PLXNA4: variants seen among roughly 807,000 people sequenced by gnomAD.
PLXNA4 encodes the protein plexin-A4.
A neutral mutation model predicts 191.8 loss-of-function variants in PLXNA4; 44 were observed. The observed-to-expected ratio is 0.23, with a 90% CI of 0.18 to 0.29. PLXNA4 has a LOEUF of 0.29. PLXNA4 is among the 10% of genes least tolerant of loss of function. The pLI is 1.00. For missense variants in PLXNA4, 1,800 were observed against 2,488.8 expected (o/e 0.72, Z 5.89); for synonymous variants, 1,082 against 1,009.5 (o/e 1.07, Z -1.36).
At chr7:132,541,038 A>G (rs1684501394) in intron 1 of PLXNA4, among the ~76,000 whole-genome samples, 2 of 152,222 alleles carry the variant, frequency 1.3e-5, no homozygotes, top group African/African-American at 4.8e-5. Context: ...AGTAGAATCA[A>G]TAAAGATTTA....
intron 3 of PLXNA4, among the ~76,000 whole-genome samples, chr7:132,480,802 G>A (rs1006836019): frequency 1.3e-5 from 2 of 152,202 alleles, no homozygotes; most frequent in Admixed American, 6.5e-5. Flanking sequence ...GCTCTCAGAA[G>A]GAAATTGCCC....
intron 3 of PLXNA4, among the ~76,000 whole-genome samples, chr7:132,319,541 G>C (rs140123346): frequency 1.2e-3 from 180 of 152,088 alleles, no homozygotes; most frequent in Non-Finnish European, 2.2e-3. Context: ...CTGTTCTCAG[G>C]GTTCCTTGTA....
At position 132,554,988 on chromosome 7, in the gene PLXNA4, A is replaced by T. The variant is rs529815827; in HGVS notation, c.-87+21434T>A. Among the ~76,000 whole-genome samples, 5 of 145,354 alleles carry T rather than the reference A, an allele frequency of 3.4e-5. No homozygotes were observed. In the East Asian group the frequency reaches 8.3e-4, roughly 24 times the overall value. On this transcript the variant is annotated intron_variant, in intron 1 of 31. Transcript: ENST00000321063. Reference sequence around the variant, plus strand: ...TGGTTAGCCACTGCTTTGAGCCAAGAGTCTCCTATCTGCTCTCCCTACACC... The same window carrying T: ...TGGTTAGCCACTGCTTTGAGCCAAGTGTCTCCTATCTGCTCTCCCTACACC...
chr7:132,470,956 T>C (rs934133314), intron 3 of PLXNA4, among the ~76,000 whole-genome samples: 4 of 152,176 alleles, frequency 2.6e-5, no homozygotes, highest in African/African-American at 9.7e-5. Flanking sequence ...AGCTTGGATA[T>C]GAGTCCCCGC....
At chr7:132,252,299 GTTTTTTTTTT>G (rs71178032) in intron 4 of PLXNA4, among the ~76,000 whole-genome samples, 43 of 75,340 alleles carry the variant, frequency 5.7e-4, no homozygotes, top group Non-Finnish European at 9.7e-4. Context: ...CATTCTAAAA[GTTTTTTTTTT>G]TTTTTTTTTT....
At chr7:132,233,299 A>G (rs1359280741) in intron 5 of PLXNA4, among the ~76,000 whole-genome samples, 1 of 152,176 alleles carries the variant, frequency 6.6e-6, no homozygotes, top group Non-Finnish European at 1.5e-5. Flanking sequence ...GGATAGATGC[A>G]TATGTGTGGC....
At chr7:132,577,917 G>A (rs1802321587), upstream of PLXNA4, among the ~76,000 whole-genome samples, 1 of 152,288 alleles carries the variant, frequency 6.6e-6, no homozygotes, top group East Asian at 1.9e-4. Context: ...CACAAGGCCC[G>A]CACGAGAGAA....
At chr7:132,499,806 C>T (rs891828240) in intron 2 of PLXNA4, among the ~76,000 whole-genome samples, 2 of 152,076 alleles carry the variant, frequency 1.3e-5, no homozygotes, top group African/African-American at 2.4e-5. Context: ...ATGTTGCCTG[C>T]GTGTGGGATA....
At chr7:132,642,797 CA>C (rs989873889) in intron 2 of PLXNA4, among the ~76,000 whole-genome samples, 1 of 151,398 alleles carries the variant, frequency 6.6e-6, no homozygotes, top group Non-Finnish European at 1.5e-5. Context: ...TAGAAAGTTC[CA>C]AAAAAAACCA....
chr7:132,325,165 A>T (rs1802310635), intron 3 of PLXNA4, among the ~76,000 whole-genome samples: 1 of 152,146 alleles, frequency 6.6e-6, no homozygotes, highest in Non-Finnish European at 1.5e-5. Context: ...TGTGGCTCAA[A>T]TTTTACCACC....
chr7:132,322,608 C>G (rs1802216044), intron 3 of PLXNA4, among the ~76,000 whole-genome samples: 1 of 152,200 alleles, frequency 6.6e-6, no homozygotes, highest in South Asian at 2.1e-4. Context: ...CAATTTCAAC[C>G]TCTCAGGACC....
intron 4 of PLXNA4, among the ~76,000 whole-genome samples, chr7:132,295,921 T>C (rs1479855512): frequency 1.3e-5 from 2 of 152,222 alleles, no homozygotes; most frequent in African/African-American, 4.8e-5. Flanking sequence ...GTCACCAACA[T>C]AGGACAGTAA....
chr7:132,408,305 C>T (rs1444878366), intron 3 of PLXNA4, among the ~76,000 whole-genome samples: 2 of 152,100 alleles, frequency 1.3e-5, no homozygotes, highest in Admixed American at 1.3e-4. Flanking sequence ...AAATGATTAA[C>T]ATAAAACATC....
intron 24 of PLXNA4, among the ~76,000 whole-genome samples, chr7:132,161,668 T>C (rs1033009642): frequency 2.0e-5 from 3 of 152,140 alleles, no homozygotes; most frequent in African/African-American, 7.2e-5. Context: ...TCTAGAACTC[T>C]AGCAGGCTCC....
At chr7:132,269,373 C>G (rs1318282991) in intron 4 of PLXNA4, among the ~76,000 whole-genome samples, 1 of 152,076 alleles carries the variant, frequency 6.6e-6, no homozygotes, top group Non-Finnish European at 1.5e-5. Flanking sequence ...TCCCCCGCCC[C>G]CACCATCTGC....
chr7:132,353,679 A>G (rs1342942987), intron 3 of PLXNA4, among the ~76,000 whole-genome samples: 1 of 152,202 alleles, frequency 6.6e-6, no homozygotes, highest in Non-Finnish European at 1.5e-5. Flanking sequence ...TCCCTGCATT[A>G]GCTTCCTCTG....
At chr7:132,532,716 T>A (rs756854130) in intron 1 of PLXNA4, among the ~76,000 whole-genome samples, 4 of 152,212 alleles carry the variant, frequency 2.6e-5, no homozygotes, top group Non-Finnish European at 5.9e-5. Flanking sequence ...GACTTAGCAT[T>A]GTATTCAAAG....
At chr7:132,378,347 A>G (rs1804748096) in intron 3 of PLXNA4, among the ~76,000 whole-genome samples, 1 of 152,112 alleles carries the variant, frequency 6.6e-6, no homozygotes, top group Admixed American at 6.6e-5. Flanking sequence ...CCAGCTTCTC[A>G]CCACCCCTGG....
chr7:132,585,187 C>T (rs1248522254), intron 2 of PLXNA4, among the ~76,000 whole-genome samples: 1 of 152,144 alleles, frequency 6.6e-6, no homozygotes, highest in Non-Finnish European at 1.5e-5. Context: ...GATGCTCCAG[C>T]ACCTCCTTTC....
Sources: allele counts gnomAD v4.1 joint callset (sites outside exome capture counted in the v4.1 genomes callset), GRCh38; gene constraint gnomAD v4.1.1; transcripts MANE v1.5; gene names NCBI Gene and HGNC (gene_info 2026-07-23, HGNC 2026-07-21).